NKAIN2: variants seen among roughly 807,000 people sequenced by gnomAD.
The protein encoded by NKAIN2 is sodium/potassium-transporting ATPase subunit beta-1-interacting protein 2.
Under a neutral mutation model 32.6 loss-of-function variants are expected in NKAIN2, and 14 were observed. The observed-to-expected ratio is 0.43, with a 90% confidence interval of 0.28 to 0.67. The LOEUF (loss-of-function observed/expected upper bound fraction) is 0.67. Among genes scored for constraint, NKAIN2 ranks in the 30% least tolerant of loss-of-function variants. NKAIN2 has a pLI of 0.17. For missense variants in NKAIN2, 198 were observed against 258.3 expected (o/e 0.77, Z 1.60); for synonymous variants, 80 against 87.2 (o/e 0.92, Z 0.46).
At chr6:124,535,853 C>T (rs1344864652) in intron 3 of NKAIN2, among the ~76,000 whole-genome samples, 1 of 152,232 alleles carries the variant, frequency 6.6e-6, no homozygotes, top group East Asian at 1.9e-4. Flanking sequence ...TTCAGGAAGA[C>T]AGACCTGTGA....
intron 3 of NKAIN2, among the ~76,000 whole-genome samples, chr6:124,588,536 T>C (rs1781794408): frequency 6.6e-6 from 1 of 152,198 alleles, no homozygotes; most frequent in Admixed American, 6.5e-5. Flanking sequence ...GTATATTAGG[T>C]TCTAAAATGA....
chr6:124,420,278 T>A (rs1405858198), intron 3 of NKAIN2, among the ~76,000 whole-genome samples: 2 of 152,156 alleles, frequency 1.3e-5, no homozygotes, highest in Non-Finnish European at 2.9e-5. Flanking sequence ...CCTTACTCTC[T>A]GTATTGTTGC....
intron 4 of NKAIN2, among the ~76,000 whole-genome samples, chr6:124,665,948 C>T (rs1772775708): frequency 1.3e-5 from 2 of 151,312 alleles, no homozygotes; most frequent in African/African-American, 4.9e-5. Context: ...CTTCCAGATT[C>T]TTCCTAGTCC....
intron 1 of NKAIN2, among the ~76,000 whole-genome samples, chr6:124,195,497 A>G (rs1790271248): frequency 6.6e-6 from 1 of 152,094 alleles, no homozygotes; most frequent in African/African-American, 2.4e-5. Context: ...ATAACTGCAC[A>G]TTCATATATA....
At chr6:124,476,103 C>T (rs991003124) in intron 3 of NKAIN2, among the ~76,000 whole-genome samples, 40 of 129,786 alleles carry the variant, frequency 3.1e-4, no homozygotes, top group African/African-American at 1.3e-3. Context: ...TGTGTGCGTG[C>T]GCGCGCGCAT....
At chr6:123,834,670 A>C (rs769860812) in intron 1 of NKAIN2, among the ~76,000 whole-genome samples, 4 of 152,124 alleles carry the variant, frequency 2.6e-5, no homozygotes, top group Non-Finnish European at 5.9e-5. Context: ...AAAAGCTTTG[A>C]CTTTCTCGCC....
At chr6:124,326,064 T>G (rs1279865179) in intron 2 of NKAIN2, among the ~76,000 whole-genome samples, 1 of 151,838 alleles carries the variant, frequency 6.6e-6, no homozygotes, top group Non-Finnish European at 1.5e-5. Context: ...TTTCAAATTT[T>G]TTTACTTCTT....
chr6:124,429,077 AC>A (rs1562178635), intron 3 of NKAIN2, among the ~76,000 whole-genome samples: 1 of 151,986 alleles, frequency 6.6e-6, no homozygotes, highest in Non-Finnish European at 1.5e-5. Flanking sequence ...TTCACTCGTT[AC>A]CCAGGCTGGA....
chr6:124,684,095 A>G (rs1773751672), intron 4 of NKAIN2, among the ~76,000 whole-genome samples: 1 of 152,208 alleles, frequency 6.6e-6, no homozygotes, highest in Non-Finnish European at 1.5e-5. Flanking sequence ...ATAATATGGA[A>G]TTTAACATAC....
intron 1 of NKAIN2, among the ~76,000 whole-genome samples, chr6:123,938,688 C>A (rs1465299240): frequency 1.4e-5 from 2 of 147,224 alleles, no homozygotes. Context: ...CATTTATTGA[C>A]TATTGCAATC....
At chr6:124,174,276 A>C (rs1298246656) in intron 1 of NKAIN2, among the ~76,000 whole-genome samples, 2 of 152,214 alleles carry the variant, frequency 1.3e-5, no homozygotes, top group Non-Finnish European at 2.9e-5. Flanking sequence ...AAGAAAATTC[A>C]GAAGTTGTTC....
intron 1 of NKAIN2, among the ~76,000 whole-genome samples, chr6:123,917,819 A>G (rs1002221480): frequency 2.0e-5 from 3 of 152,148 alleles, no homozygotes; most frequent in African/African-American, 7.2e-5. Context: ...AAGTGAATTA[A>G]GTTCTCTTTG....
At chr6:123,922,989 C>T (rs1050753322) in intron 1 of NKAIN2, among the ~76,000 whole-genome samples, 3 of 152,112 alleles carry the variant, frequency 2.0e-5, no homozygotes, top group Non-Finnish European at 4.4e-5. Context: ...TTTGTAGTTA[C>T]ATTTGTGGGC....
chr6:124,390,506 C>T (rs1211939581), intron 3 of NKAIN2, among the ~76,000 whole-genome samples: 1 of 151,998 alleles, frequency 6.6e-6, no homozygotes, highest in Non-Finnish European at 1.5e-5. Flanking sequence ...GAAGAAATAC[C>T]ATCTGCAGAT....
chr6:123,861,526 G>A (rs957784026), intron 1 of NKAIN2, among the ~76,000 whole-genome samples: 8 of 152,178 alleles, frequency 5.3e-5, no homozygotes, highest in East Asian at 3.9e-4. Context: ...GATTTTTGTC[G>A]TTTCTTTATA....
chr6:124,093,781 G>A (rs1212029216), intron 1 of NKAIN2, among the ~76,000 whole-genome samples: 1 of 152,104 alleles, frequency 6.6e-6, no homozygotes, highest in East Asian at 1.9e-4. Context: ...CGCTATAGCA[G>A]TTAAGATGAG....
At chr6:124,186,025 T>C (rs1789708819) in intron 1 of NKAIN2, among the ~76,000 whole-genome samples, 1 of 151,832 alleles carries the variant, frequency 6.6e-6, no homozygotes, top group Non-Finnish European at 1.5e-5. Flanking sequence ...CTCCTACCTG[T>C]AATTCCAGTG....
chr6:124,704,929 G>A (rs952434339), intron 4 of NKAIN2, among the ~76,000 whole-genome samples: 1 of 151,912 alleles, frequency 6.6e-6, no homozygotes, highest in African/African-American at 2.4e-5. Context: ...TGGAAAAATG[G>A]AAACTTTCTG....
At chr6:124,146,523 C>G (rs966773436) in intron 1 of NKAIN2, among the ~76,000 whole-genome samples, 5 of 152,126 alleles carry the variant, frequency 3.3e-5, no homozygotes. Flanking sequence ...AGCAATTGTA[C>G]TCCCAGGTTT....
Sources: gnomAD v4.1 joint callset for allele counts (sites outside exome capture counted in the v4.1 genomes callset) on GRCh38, gnomAD v4.1.1 for gene constraint, MANE v1.5 for transcripts, NCBI Gene and HGNC (gene_info 2026-07-23, HGNC 2026-07-21) for gene names.